SLC67A2: variants seen among roughly 807,000 people sequenced by gnomAD.
SLC67A2 encodes solute carrier family 67 member 2, also known as solute carrier family 67 member A2.
chr2:102,729,931 A>G, the SLC67A2 span, among the ~76,000 whole-genome samples: 2 of 152,242 alleles, frequency 1.3e-5, no homozygotes, highest in Non-Finnish European at 2.9e-5. Context: ...TATATTTTAC[A>G]AGGAAGCAAC....
At chr2:102,723,821 G>A in the SLC67A2 span, 1 of 1,614,206 alleles carries the variant, frequency 6.2e-7, no homozygotes, top group Non-Finnish European at 8.5e-7. Flanking sequence ...AGGCTGTGTT[G>A]AAGTGTCCGA....
the SLC67A2 span, among the ~76,000 whole-genome samples, chr2:102,729,010 A>G: frequency 1.3e-5 from 2 of 152,210 alleles, no homozygotes; most frequent in South Asian, 4.1e-4. Context: ...ATTTAAAAAC[A>G]TTAGCCAAAT....
the SLC67A2 span, chr2:102,719,167 G>A: frequency 1.9e-6 from 3 of 1,613,702 alleles, no homozygotes; most frequent in Non-Finnish European, 2.5e-6. Flanking sequence ...TCTCTGTACT[G>A]CCCGGTTTTG....
At chr2:102,719,334 CTG>C in the SLC67A2 span, 1 of 965,960 alleles carries the variant, frequency 1.0e-6, no homozygotes, top group South Asian at 1.7e-5. Flanking sequence ...ATTTACTAGT[CTG>C]TATTTTTGTA....
the SLC67A2 span, among the ~76,000 whole-genome samples, chr2:102,730,791 C>T: frequency 4.6e-5 from 7 of 152,312 alleles, no homozygotes; most frequent in African/African-American, 1.4e-4. Context: ...CCTCGTGATC[C>T]ACCCGCCTCA....
chr2:102,718,432 T>G, the SLC67A2 span: 1 of 1,614,088 alleles, frequency 6.2e-7, no homozygotes. Flanking sequence ...ACTCACTTTT[T>G]AATTTACTAT....
chr2:102,727,335 A>C, the SLC67A2 span, among the ~76,000 whole-genome samples: 16 of 152,320 alleles, frequency 1.1e-4, no homozygotes, highest in East Asian at 1.3e-3. Flanking sequence ...TACATTTTTA[A>C]AAAATTTAGA....
At chr2:102,718,880 C>G in the SLC67A2 span, 1 of 1,614,146 alleles carries the variant, frequency 6.2e-7, no homozygotes, top group Non-Finnish European at 8.5e-7. Context: ...GATGAGGTAG[C>G]CTGTCACCTT....
chr2:102,718,556 G>A, the SLC67A2 span: 101 of 1,612,852 alleles, frequency 6.3e-5, no homozygotes, highest in South Asian at 6.9e-4. Flanking sequence ...GGCAACCCCC[G>A]AGAGGAGAGG....
At chr2:102,722,303 G>A in the SLC67A2 span, among the ~76,000 whole-genome samples, 13 of 152,174 alleles carry the variant, frequency 8.5e-5, no homozygotes, top group Non-Finnish European at 1.5e-4. Context: ...CTATGGGAAT[G>A]AGCCTGGCAT....
the SLC67A2 span, among the ~76,000 whole-genome samples, chr2:102,734,959 T>C: frequency 6.6e-6 from 1 of 152,226 alleles, no homozygotes; most frequent in African/African-American, 2.4e-5. Context: ...GTCTGGACTT[T>C]CCAGGTAAGG....
the SLC67A2 span, among the ~76,000 whole-genome samples, chr2:102,722,820 G>A: frequency 6.6e-6 from 1 of 152,118 alleles, no homozygotes; most frequent in Non-Finnish European, 1.5e-5. Context: ...AATCAGCAAA[G>A]TGAAAAAGCA....
the SLC67A2 span, among the ~76,000 whole-genome samples, chr2:102,729,250 G>GA: frequency 6.6e-6 from 1 of 151,400 alleles, no homozygotes. Context: ...AGGAAAATCT[G>GA]AAAAAAAGGG....
chr2:102,731,065 G>A, the SLC67A2 span: 3 of 1,613,552 alleles, frequency 1.9e-6, no homozygotes, highest in Non-Finnish European at 1.7e-6. Flanking sequence ...GCCATAGGAG[G>A]AGCCTGTAAA....
the SLC67A2 span, among the ~76,000 whole-genome samples, chr2:102,728,250 C>T: frequency 6.6e-6 from 1 of 152,164 alleles, no homozygotes; most frequent in African/African-American, 2.4e-5. Context: ...TGGATGACCC[C>T]CAGTTCCAGT....
chr2:102,736,444 G>C, the SLC67A2 span: 1 of 1,386,022 alleles, frequency 7.2e-7, no homozygotes, highest in Non-Finnish European at 9.5e-7. Flanking sequence ...GAGAAAGCGC[G>C]AGGGGCAATA....
the SLC67A2 span, among the ~76,000 whole-genome samples, chr2:102,732,805 A>G: frequency 6.6e-6 from 1 of 152,200 alleles, no homozygotes; most frequent in South Asian, 2.1e-4. Flanking sequence ...TGTAGTTTAT[A>G]AGCTTATAAA....
the SLC67A2 span, among the ~76,000 whole-genome samples, chr2:102,728,228 T>G: frequency 6.6e-6 from 1 of 152,242 alleles, no homozygotes; most frequent in Admixed American, 6.5e-5. Context: ...TCCCCCATGC[T>G]GTGTGAAACC....
At chr2:102,729,216 G>GT in the SLC67A2 span, among the ~76,000 whole-genome samples, 1 of 152,102 alleles carries the variant, frequency 6.6e-6, no homozygotes, top group African/African-American at 2.4e-5. Context: ...AATGTTCTGT[G>GT]TAAGTACAAA....
Sources: gnomAD v4.1 joint callset for allele counts (sites outside exome capture counted in the v4.1 genomes callset) on GRCh38, gnomAD v4.1.1 for gene constraint, MANE v1.5 for transcripts, NCBI Gene and HGNC (gene_info 2026-07-23, HGNC 2026-07-21) for gene names.